NRXN3: variants seen among roughly 807,000 people sequenced by gnomAD.
The protein encoded by NRXN3 is neurexin III.
Under a neutral mutation model 137.6 loss-of-function variants are expected in NRXN3, and 32 were observed. The observed-to-expected ratio is 0.23, with a 90% CI of 0.18 to 0.31. The LOEUF is 0.31. Ranked by LOEUF, NRXN3 falls within the 10% of genes least tolerant of loss-of-function variation. NRXN3 has a pLI of 1.00. For missense variants in NRXN3, 1,574 were observed against 2,062.5 expected, an observed-to-expected ratio of 0.76 and a Z score of 4.59; for synonymous variants, 798 against 784.5, an observed-to-expected ratio of 1.02 and a Z score of -0.29.
chr14:79,714,343 T>A (rs1236700017), intron 19 of NRXN3, among the ~76,000 whole-genome samples: 1 of 152,184 alleles, frequency 6.6e-6, no homozygotes, highest in African/African-American at 2.4e-5. Context: ...GAGACAATCA[T>A]GAATAGAAAA....
chr14:79,632,055 G>T (rs541601821), intron 16 of NRXN3, among the ~76,000 whole-genome samples: 1 of 152,192 alleles, frequency 6.6e-6, no homozygotes, highest in Non-Finnish European at 1.5e-5. Context: ...CTTCCACACT[G>T]TGGAAGCTTT....
chr14:78,415,771 TATGATGAA>T (rs1292423030), intron 4 of NRXN3, among the ~76,000 whole-genome samples: 2 of 151,998 alleles, frequency 1.3e-5, no homozygotes, highest in African/African-American at 4.8e-5. Flanking sequence ...TTGGAGCACT[TATGATGAA>T]ATTAATGCTT....
At chr14:79,421,937 A>G (rs1453430640) in intron 15 of NRXN3, among the ~76,000 whole-genome samples, 1 of 152,176 alleles carries the variant, frequency 6.6e-6, no homozygotes, top group African/African-American at 2.4e-5. Flanking sequence ...CACTAGTAAC[A>G]AGTTTCCTGG....
chr14:79,143,067 G>A (rs150025659), intron 15 of NRXN3, among the ~76,000 whole-genome samples: 128 of 151,874 alleles, frequency 8.4e-4, no homozygotes, highest in African/African-American at 2.9e-3. Flanking sequence ...AAGCAGTTAC[G>A]GCAGCCCTCT....
At chr14:79,146,666 A>C (rs2059330144) in intron 15 of NRXN3, among the ~76,000 whole-genome samples, 2 of 152,140 alleles carry the variant, frequency 1.3e-5, no homozygotes, top group Non-Finnish European at 2.9e-5. Context: ...ACCACTGCCC[A>C]GGTAAACCAA....
chr14:79,402,419 C>T (rs2095226738), intron 15 of NRXN3, among the ~76,000 whole-genome samples: 1 of 152,188 alleles, frequency 6.6e-6, no homozygotes, highest in African/African-American at 2.4e-5. Flanking sequence ...TATTTTACTG[C>T]TGTAAAAATC....
rs993515900 is a variant in NRXN3, at chr14:79,439,286, G to A, written c.3263-27935G>A. On this transcript the variant is annotated intron_variant, in intron 15 of 20. Coordinates refer to ENST00000335750, the MANE Select transcript of NRXN3 (RefSeq NM_001330195.2). ...ATTATTTGACTTCTCTACTCAGAAA[G>A]CATTAAATTTTGAGGTTTAAGTAGA... 2.6e-5 allele frequency among the ~76,000 whole-genome samples: 4 copies of A among 152,316 alleles called. No individual in the cohort carries two copies. The East Asian group carries it at 7.7e-4, about 29-fold the overall frequency.
chr14:79,339,506 A>G (rs1482093558), intron 15 of NRXN3, among the ~76,000 whole-genome samples: 1 of 152,150 alleles, frequency 6.6e-6, no homozygotes, highest in East Asian at 1.9e-4. Flanking sequence ...CAAAGTGCAT[A>G]TTTTCGTGTC....
chr14:78,934,177 A>AAAAC (rs1221355409), intron 10 of NRXN3, among the ~76,000 whole-genome samples: 118 of 151,842 alleles, frequency 7.8e-4, no homozygotes, highest in Middle Eastern at 3.4e-3. Context: ...AAAAAAAAAA[A>AAAAC]AAACCCCAAA....
At chr14:78,813,659 A>ATG (rs1555507916) in intron 10 of NRXN3, among the ~76,000 whole-genome samples, 1 of 150,798 alleles carries the variant, frequency 6.6e-6, no homozygotes, top group Non-Finnish European at 1.5e-5. Context: ...GACATCAGCT[A>ATG]TTTTTTTTTC....
chr14:78,950,664 GGAA>G (rs1412246621), intron 10 of NRXN3, among the ~76,000 whole-genome samples: 1 of 151,978 alleles, frequency 6.6e-6, no homozygotes, highest in Non-Finnish European at 1.5e-5. Flanking sequence ...AAGGAAAAAA[GGAA>G]GGAAGGAAGG....
intron 4 of NRXN3, among the ~76,000 whole-genome samples, chr14:78,360,247 G>T (rs2153604637): frequency 6.6e-6 from 1 of 152,158 alleles, no homozygotes; most frequent in East Asian, 1.9e-4. Flanking sequence ...GCAAGTTCAT[G>T]GGCCCCATCC....
chr14:79,092,179 A>G (rs983626149), intron 15 of NRXN3, among the ~76,000 whole-genome samples: 31 of 152,190 alleles, frequency 2.0e-4, no homozygotes, highest in African/African-American at 7.0e-4. Flanking sequence ...TCTAATATGC[A>G]GGGAACACGT....
At chr14:78,414,404 C>T (rs772333898) in intron 4 of NRXN3, among the ~76,000 whole-genome samples, 3 of 152,114 alleles carry the variant, frequency 2.0e-5, no homozygotes, top group African/African-American at 7.2e-5. Context: ...AGAACTGATA[C>T]ATTGTGTCTA....
intron 20 of NRXN3, among the ~76,000 whole-genome samples, chr14:79,834,082 T>C (rs2099330362): frequency 6.6e-6 from 1 of 152,138 alleles, no homozygotes; most frequent in African/African-American, 2.4e-5. Flanking sequence ...GTTATTAAAG[T>C]CCCATTGTAT....
At chr14:78,969,266 C>G (rs1375829591) in intron 14 of NRXN3, among the ~76,000 whole-genome samples, 4 of 152,164 alleles carry the variant, frequency 2.6e-5, no homozygotes, top group Non-Finnish European at 1.5e-5. Context: ...TACAGGTCTT[C>G]CTGAATCCAA....
At chr14:78,756,344 C>T (rs933952735) in intron 8 of NRXN3, among the ~76,000 whole-genome samples, 5 of 151,824 alleles carry the variant, frequency 3.3e-5, no homozygotes, top group Admixed American at 6.6e-5. Context: ...AAAAATTAGT[C>T]GGGCATGGTG....
intron 16 of NRXN3, among the ~76,000 whole-genome samples, chr14:79,482,691 A>G (rs1227738506): frequency 1.3e-5 from 2 of 152,152 alleles, no homozygotes; most frequent in Non-Finnish European, 2.9e-5. Context: ...GGGGGAGAAA[A>G]AAAAACAACC....
chr14:78,339,926 A>G (rs1042094707), intron 4 of NRXN3, among the ~76,000 whole-genome samples: 3 of 152,200 alleles, frequency 2.0e-5, no homozygotes, highest in Non-Finnish European at 2.9e-5. Flanking sequence ...GGAGACAGAA[A>G]GAGAGATATT....
Sources: gnomAD v4.1 joint callset for allele counts (sites outside exome capture counted in the v4.1 genomes callset) on GRCh38, gnomAD v4.1.1 for gene constraint, MANE v1.5 for transcripts, NCBI Gene and HGNC (gene_info 2026-07-23, HGNC 2026-07-21) for gene names.